Variants in LOC400499 observed in about 807,000 individuals in gnomAD.
At chr16:11,419,461 A>G in the LOC400499 span, among the ~76,000 whole-genome samples, 1 of 149,380 alleles carries the variant, frequency 6.7e-6, no homozygotes, top group Non-Finnish European at 1.5e-5. Flanking sequence ...AAGATGGATT[A>G]AAGACTTAAA....
the LOC400499 span, chr16:11,450,910 C>T: frequency 1.7e-6 from 2 of 1,143,254 alleles, no homozygotes; most frequent in African/African-American, 3.1e-5. Flanking sequence ...CTCATCACAG[C>T]CGCAATGGAC....
the LOC400499 span, chr16:11,425,563 G>C: frequency 7.5e-6 from 3 of 397,694 alleles, no homozygotes; most frequent in Non-Finnish European, 8.8e-6. Context: ...ACTCATGTCA[G>C]AAATGGCACA....
At chr16:11,502,377 A>G in the LOC400499 span, among the ~76,000 whole-genome samples, 12 of 152,222 alleles carry the variant, frequency 7.9e-5, no homozygotes, top group Admixed American at 4.6e-4. Context: ...AAGCCCCTAC[A>G]AGCATACAAG....
chr16:11,436,242 A>C, the LOC400499 span, among the ~76,000 whole-genome samples: 786 of 152,306 alleles, frequency 5.2e-3, 8 homozygotes, highest in African/African-American at 0.018. Context: ...TGGGGGAAGC[A>C]GAGGACATCT....
the LOC400499 span, chr16:11,383,955 C>T: frequency 1.9e-5 from 23 of 1,231,872 alleles, no homozygotes; most frequent in South Asian, 8.2e-5. Context: ...GGAGCTGTCC[C>T]GGGCAGGCCT....
the LOC400499 span, chr16:11,391,637 G>C: frequency 2.5e-5 from 31 of 1,231,874 alleles, no homozygotes; most frequent in Non-Finnish European, 3.0e-5. Context: ...TTTCCGCACA[G>C]GATTGAGCCC....
chr16:11,399,703 T>C, the LOC400499 span: 1 of 398,888 alleles, frequency 2.5e-6, no homozygotes, highest in South Asian at 1.3e-4. Flanking sequence ...CCCACATACC[T>C]GCCCCGGGGA....
the LOC400499 span, chr16:11,417,585 G>A: frequency 5.0e-6 from 2 of 397,666 alleles, no homozygotes. Context: ...GCCCAGGCAT[G>A]GAGGAAGCCA....
chr16:11,496,949 GTGTGGGTGTGTGTCCGTGCATTTCCCCA>G, the LOC400499 span, among the ~76,000 whole-genome samples: 39 of 151,664 alleles, frequency 2.6e-4, no homozygotes, highest in African/African-American at 8.0e-4. Context: ...CAGGTCTATG[GTGTGGGTGTGTGTCCGTGCATTTCCCCA>G]TGTGGGTGTC....
the LOC400499 span, among the ~76,000 whole-genome samples, chr16:11,408,696 C>CT: frequency 4.1e-4 from 63 of 152,192 alleles, no homozygotes; most frequent in African/African-American, 1.5e-3. Context: ...CTCCTGAACT[C>CT]TAACAATTCT....
At chr16:11,484,547 T>C in the LOC400499 span, among the ~76,000 whole-genome samples, 3 of 152,052 alleles carry the variant, frequency 2.0e-5, no homozygotes, top group Admixed American at 1.3e-4. Context: ...TGGTTAAGGA[T>C]GGGTATTAAC....
At chr16:11,522,130 AG>A in the LOC400499 span, 1 of 398,958 alleles carries the variant, frequency 2.5e-6, no homozygotes, top group East Asian at 3.6e-5. Flanking sequence ...GCAGAGAGAG[AG>A]ACAGCAATGT....
At chr16:11,500,693 T>G in the LOC400499 span, 1 of 396,934 alleles carries the variant, frequency 2.5e-6, no homozygotes, top group Non-Finnish European at 4.4e-6. Context: ...CCTCCTCTGC[T>G]TATCCTACGA....
At chr16:11,445,435 A>G in the LOC400499 span, among the ~76,000 whole-genome samples, 1 of 151,766 alleles carries the variant, frequency 6.6e-6, no homozygotes, top group Non-Finnish European at 1.5e-5. Flanking sequence ...AAAAAAAAAG[A>G]AAGAAAAAGA....
the LOC400499 span, chr16:11,500,812 T>C: frequency 2.8e-3 from 1,129 of 399,068 alleles, 11 homozygotes; most frequent in African/African-American, 0.021. Context: ...ACCAGCAGCA[T>C]GTGGACCATA....
chr16:11,419,094 G>A, the LOC400499 span, among the ~76,000 whole-genome samples: 5 of 148,034 alleles, frequency 3.4e-5, no homozygotes, highest in Admixed American at 1.3e-4. Flanking sequence ...TGAGCCCAGG[G>A]GGCGGAGCTT....
chr16:11,446,457 C>G, the LOC400499 span: 1 of 1,200,782 alleles, frequency 8.3e-7, no homozygotes, highest in African/African-American at 1.5e-5. Context: ...TGCACTCAGT[C>G]CAGATAACAT....
chr16:11,447,383 G>T, the LOC400499 span, among the ~76,000 whole-genome samples: 2 of 152,180 alleles, frequency 1.3e-5, no homozygotes, highest in Non-Finnish European at 2.9e-5. Flanking sequence ...CAAGGGCAAA[G>T]GTTTCTGACA....
the LOC400499 span, chr16:11,488,967 G>C: frequency 2.5e-6 from 1 of 396,856 alleles, no homozygotes; most frequent in Non-Finnish European, 4.4e-6. Flanking sequence ...TCCCAGTCCT[G>C]CAATTCCCAC....
Sources: allele counts gnomAD v4.1 joint callset (sites outside exome capture counted in the v4.1 genomes callset), GRCh38; gene constraint gnomAD v4.1.1; transcripts MANE v1.5.